Variants in NRG3 observed in about 807,000 individuals in gnomAD.
NRG3 encodes the protein pro-neuregulin-3, membrane-bound isoform.
Under a neutral mutation model 66.9 loss-of-function variants are expected in NRG3, and 31 were observed. The observed-to-expected ratio is 0.46, with a 90% confidence interval of 0.35 to 0.63. NRG3 has a LOEUF of 0.63. Among genes scored for constraint, NRG3 ranks in the 20% least tolerant of loss-of-function variants. The pLI is 0.00. For missense variants in NRG3, 910 were observed against 878.9 expected, an observed-to-expected ratio of 1.04 and a Z score of -0.45; for synonymous variants, 393 against 359.4, an observed-to-expected ratio of 1.09 and a Z score of -1.06.
intron 2 of NRG3, among the ~76,000 whole-genome samples, chr10:82,585,077 T>C (rs906706279): frequency 7.9e-5 from 12 of 152,222 alleles, no homozygotes; most frequent in Middle Eastern, 6.8e-3. Flanking sequence ...CGTCGAAGAC[T>C]GCAAATAAAT....
At chr10:82,444,614 C>T (rs1422208267) in intron 2 of NRG3, among the ~76,000 whole-genome samples, 1 of 151,888 alleles carries the variant, frequency 6.6e-6, no homozygotes, top group African/African-American at 2.4e-5. Flanking sequence ...CTAGACAGGA[C>T]CAATGAAAAG....
chr10:82,980,179 TG>T (rs1852713402), intron 8 of NRG3, among the ~76,000 whole-genome samples: 1 of 151,390 alleles, frequency 6.6e-6, no homozygotes, highest in Non-Finnish European at 1.5e-5. Flanking sequence ...GACTCCAACC[TG>T]GGTGACAGAG....
At chr10:82,071,172 T>G (rs1346041058) in intron 1 of NRG3, among the ~76,000 whole-genome samples, 1 of 152,134 alleles carries the variant, frequency 6.6e-6, no homozygotes, top group Non-Finnish European at 1.5e-5. Context: ...GCCTACTGAG[T>G]GTGTTGGGTA....
intron 1 of NRG3, among the ~76,000 whole-genome samples, chr10:82,291,247 A>T (rs1239122102): frequency 6.6e-6 from 1 of 152,180 alleles, no homozygotes; most frequent in Non-Finnish European, 1.5e-5. Flanking sequence ...TAGTATTTAT[A>T]ATTACTCCAG....
intron 1 of NRG3, among the ~76,000 whole-genome samples, chr10:82,334,274 A>G (rs1025999885): frequency 6.6e-6 from 1 of 152,210 alleles, no homozygotes; most frequent in Non-Finnish European, 1.5e-5. Context: ...ATGGACATTT[A>G]CATTCATTCA....
chr10:82,243,655 A>T (rs2077103938), intron 1 of NRG3, among the ~76,000 whole-genome samples: 2 of 152,302 alleles, frequency 1.3e-5, no homozygotes, highest in South Asian at 4.1e-4. Context: ...TTTCGGTCTG[A>T]ATTGTCATGA....
intron 2 of NRG3, among the ~76,000 whole-genome samples, chr10:82,698,382 C>G (rs1434905373): frequency 6.6e-6 from 1 of 152,004 alleles, no homozygotes; most frequent in Non-Finnish European, 1.5e-5. Context: ...GAGTACCCCA[C>G]CTTGGAATCT....
intron 1 of NRG3, among the ~76,000 whole-genome samples, chr10:82,108,218 T>C (rs2067182687): frequency 6.6e-6 from 1 of 152,226 alleles, no homozygotes; most frequent in Non-Finnish European, 1.5e-5. Context: ...ATCTATGATA[T>C]TAATATTGGT....
At chr10:82,068,063 C>T (rs567550454) in intron 1 of NRG3, among the ~76,000 whole-genome samples, 284 of 152,226 alleles carry the variant, frequency 1.9e-3, no homozygotes, top group African/African-American at 6.4e-3. Flanking sequence ...GTGTTTCCTG[C>T]GTCGAAGAAT....
At chr10:82,882,653 G>T (rs554353259) in intron 4 of NRG3, among the ~76,000 whole-genome samples, 10 of 152,234 alleles carry the variant, frequency 6.6e-5, no homozygotes, top group Admixed American at 1.3e-4. Flanking sequence ...TATCTTATTT[G>T]TCAGGAGTTA....
chr10:82,507,165 A>G (rs556327966), intron 2 of NRG3, among the ~76,000 whole-genome samples: 6 of 152,306 alleles, frequency 3.9e-5, no homozygotes, highest in Admixed American at 3.3e-4. Flanking sequence ...CTGACAGCTG[A>G]GGGAGGAACA....
intron 2 of NRG3, among the ~76,000 whole-genome samples, chr10:82,512,533 G>T (rs1845285445): frequency 6.6e-6 from 1 of 152,052 alleles, no homozygotes; most frequent in Non-Finnish European, 1.5e-5. Context: ...CTCCCAAAGT[G>T]CTGGAATTAC....
At chr10:82,793,285 C>G (rs2060663836) in intron 3 of NRG3, among the ~76,000 whole-genome samples, 1 of 152,106 alleles carries the variant, frequency 6.6e-6, no homozygotes, top group South Asian at 2.1e-4. Flanking sequence ...TACTTTTCCT[C>G]TCTGTTTATG....
At chr10:82,109,236 T>C (rs541851314) in intron 1 of NRG3, among the ~76,000 whole-genome samples, 26 of 152,264 alleles carry the variant, frequency 1.7e-4, no homozygotes, top group Non-Finnish European at 3.4e-4. Context: ...GGCACAGGGC[T>C]CTTGGTCTTA....
chr10:82,845,909 A>G (rs2063288967), intron 3 of NRG3, among the ~76,000 whole-genome samples: 1 of 152,226 alleles, frequency 6.6e-6, no homozygotes, highest in Non-Finnish European at 1.5e-5. Flanking sequence ...CCTCAAACTT[A>G]AAGTGCATAA....
At chr10:82,911,267 TC>T (rs1368119769) in intron 4 of NRG3, among the ~76,000 whole-genome samples, 2 of 152,166 alleles carry the variant, frequency 1.3e-5, no homozygotes, top group African/African-American at 4.8e-5. Flanking sequence ...ATTCATCTTT[TC>T]ATTATCTTTA....
chr10:82,253,727 T>A (rs538984036), intron 1 of NRG3, among the ~76,000 whole-genome samples: 11 of 152,342 alleles, frequency 7.2e-5, no homozygotes, highest in Non-Finnish European at 1.3e-4. Context: ...ATTCCCCTGC[T>A]TTAAAACTTT....
chr10:82,498,973 C>T (rs1433929342), intron 2 of NRG3, among the ~76,000 whole-genome samples: 1 of 151,996 alleles, frequency 6.6e-6, no homozygotes, highest in Non-Finnish European at 1.5e-5. Flanking sequence ...AGGGCATCAA[C>T]AAGAAAGCAT....
chr10:81,979,061 C>T (rs925038579), intron 1 of NRG3, among the ~76,000 whole-genome samples: 13 of 151,888 alleles, frequency 8.6e-5, no homozygotes, highest in South Asian at 2.1e-4. Flanking sequence ...TAGTGGCGCA[C>T]GCCTGTAGTC....
Sources: allele counts gnomAD v4.1 joint callset (sites outside exome capture counted in the v4.1 genomes callset), GRCh38; gene constraint gnomAD v4.1.1; transcripts MANE v1.5; gene names NCBI Gene and HGNC (gene_info 2026-07-23, HGNC 2026-07-21).